Variants in SYNE1 observed in about 807,000 individuals in gnomAD.
SYNE1 encodes the protein nesprin-1.
In SYNE1, 616 loss-of-function variants were observed where a neutral mutation model predicts 1,111.0. That is an observed-to-expected ratio of 0.55 (90% CI 0.52 to 0.59). SYNE1 has a LOEUF of 0.59. SYNE1 is among the 20% of genes least tolerant of loss of function. The pLI is 0.00. For synonymous variants in SYNE1, 3,855 were observed against 3,825.8 expected (o/e 1.01, Z -0.28); for missense variants, 10,006 against 10,417.0 (o/e 0.96, Z 1.72).
At chr6:152,516,591 T>G (rs2099113042) in intron 6 of SYNE1, among the ~76,000 whole-genome samples, 2 of 152,114 alleles carry the variant, frequency 1.3e-5, no homozygotes, top group African/African-American at 4.8e-5. Context: ...ATTTTTTATT[T>G]TTATTTTTTT....
At chr6:152,153,397 C>G (rs1385197307) in intron 133 of SYNE1, among the ~76,000 whole-genome samples, 1 of 152,106 alleles carries the variant, frequency 6.6e-6, no homozygotes, top group Non-Finnish European at 1.5e-5. Flanking sequence ...TAAAGACTGC[C>G]CCCAAGCACA....
chr6:152,594,348 A>G (rs541079783), intron 3 of SYNE1, among the ~76,000 whole-genome samples: 70 of 152,186 alleles, frequency 4.6e-4, no homozygotes, highest in Non-Finnish European at 8.5e-4. Context: ...CTGAGGCCCA[A>G]TGGGATAAAA....
chr6:152,287,771 T>A (rs890296537), intron 95 of SYNE1, among the ~76,000 whole-genome samples: 2 of 152,172 alleles, frequency 1.3e-5, no homozygotes, highest in African/African-American at 4.8e-5. Context: ...GGTCTTGAAT[T>A]CCTAGGCTCA....
At chr6:152,428,471 C>T (rs2098394268) in intron 36 of SYNE1, 79 bp from the exon 37 acceptor site, 1 of 1,405,782 alleles carries the variant, frequency 7.1e-7, no homozygotes, top group African/African-American at 1.4e-5. Flanking sequence ...CCGATCATCG[C>T]AAAATATTTT....
chr6:152,560,331 A>C (rs967106680), intron 3 of SYNE1, among the ~76,000 whole-genome samples: 23 of 152,146 alleles, frequency 1.5e-4, no homozygotes, highest in Non-Finnish European at 3.1e-4. Flanking sequence ...GTGCCATTGC[A>C]CTCCCGCCTG....
intron 27 of SYNE1, among the ~76,000 whole-genome samples, chr6:152,450,134 C>T (rs2098635562): frequency 6.6e-6 from 1 of 152,212 alleles, no homozygotes; most frequent in African/African-American, 2.4e-5. Flanking sequence ...CTGCTGTTCT[C>T]ATGATAGTGA....
At position 152,330,728 on chromosome 6, in the gene SYNE1, T is replaced by G; in HGVS notation, c.13957A>C (p.Asn4653His). The G allele has an allele frequency of 6.2e-7, 1 of 1,614,022 alleles. No homozygotes were observed. The highest frequency in any genetic ancestry group is 1.1e-5 in the South Asian group (1 of 91,078). ...EKLNALPRQF[N>H]VIVALAKDKF... is the part of the protein sequence containing the mutation. ...TCTTTAGCCAAGGCAACAATTACAT[T>G]AAATTGTCGAGGCAAAGCATTTAGC... is the stretch of plus-strand genomic sequence containing the variant. Residue 4653 changes from asparagine to histidine, a missense_variant, in exon 78 of 146, where the codon AAT (asparagine) becomes CAT (histidine). Transcript: ENST00000367255.
At chr6:152,299,052 T>C (rs972828348) in intron 93 of SYNE1, among the ~76,000 whole-genome samples, 10 of 152,242 alleles carry the variant, frequency 6.6e-5, no homozygotes, top group African/African-American at 2.4e-4. Flanking sequence ...TGAAGCTTTG[T>C]GGTTAATGTC....
intron 87 of SYNE1, among the ~76,000 whole-genome samples, chr6:152,312,147 T>C (rs1179982919): frequency 1.3e-5 from 2 of 151,998 alleles, no homozygotes; most frequent in African/African-American, 4.8e-5. Flanking sequence ...AAATATATAT[T>C]TAACAGATAA....
At chr6:152,528,993 T>C (rs1375297229) in intron 4 of SYNE1, among the ~76,000 whole-genome samples, 1 of 152,230 alleles carries the variant, frequency 6.6e-6, no homozygotes, top group African/African-American at 2.4e-5. Context: ...ACTTAGTGTC[T>C]CTGAGATTCA....
intron 14 of SYNE1, among the ~76,000 whole-genome samples, chr6:152,482,558 T>C (rs2098912549): frequency 6.6e-6 from 1 of 152,126 alleles, no homozygotes; most frequent in African/African-American, 2.4e-5. Context: ...AAAGAGGAAA[T>C]ATATTGGAAA....
Position 152,225,761 on chromosome 6 carries a change from A to G in SYNE1, c.21311T>C (p.Leu7104Pro). The G allele has an allele frequency of 6.2e-7, 1 of 1,614,146 alleles. No individual in the cohort carries two copies. Among genetic ancestry groups the G allele is most frequent in the Non-Finnish European group, 8.5e-7 (1 of 1,180,016 alleles). ...TGCCCAGGTTTGGCCGAGCTCTCGC[A>G]GTGTGCTCATGACAATGCTAGAGAC... ...EDVSSIVMST[L>P]RELGQTWANL... is the part of the protein sequence containing the mutation. The change falls in exon 116 of 146, where the codon CTG becomes CCG. Residue 7104 changes from leucine to proline, a missense_variant. Transcript: ENST00000367255.
At chr6:152,563,970 A>G (rs1477744635) in intron 3 of SYNE1, among the ~76,000 whole-genome samples, 1 of 152,236 alleles carries the variant, frequency 6.6e-6, no homozygotes, top group Non-Finnish European at 1.5e-5. Context: ...ACAATATTGG[A>G]GAGGTTTGAC....
chr6:152,598,891 A>G (rs1008315888), intron 3 of SYNE1, among the ~76,000 whole-genome samples: 1 of 152,218 alleles, frequency 6.6e-6, no homozygotes, highest in African/African-American at 2.4e-5. Flanking sequence ...ATGTTAATCC[A>G]GATGTTTTGC....
At chr6:152,486,207 T>C (rs200410531) in intron 12 of SYNE1, among the ~76,000 whole-genome samples, 1 of 95,982 alleles carries the variant, frequency 1.0e-5, no homozygotes, top group African/African-American at 3.4e-5. Flanking sequence ...CTAAAAAAAA[T>C]ATTAAAAAAA....
At chr6:152,634,377 AT>A in intron 2 of SYNE1, among the ~76,000 whole-genome samples, 1 of 152,328 alleles carries the variant, frequency 6.6e-6, no homozygotes, top group East Asian at 1.9e-4. Context: ...ATTGAATAAA[AT>A]TTTTAGTCAT....
chr6:152,407,300 C>A (rs936386844), intron 44 of SYNE1, 104 bp from the exon 45 acceptor site: 6 of 1,138,506 alleles, frequency 5.3e-6, no homozygotes, highest in Admixed American at 2.0e-5. Context: ...TATATTCTGA[C>A]GGACAAACAG....
intron 21 of SYNE1, 96 bp downstream of exon 21, chr6:152,461,501 A>G (rs1462582727): frequency 4.7e-6 from 7 of 1,475,350 alleles, no homozygotes; most frequent in Non-Finnish European, 6.6e-6. Flanking sequence ...ATCGTTAACA[A>G]GTAAACACTT....
At chr6:152,239,886 C>A (rs1237733836) in intron 107 of SYNE1, among the ~76,000 whole-genome samples, 180 bp from the exon 108 acceptor site, 1 of 152,118 alleles carries the variant, frequency 6.6e-6, no homozygotes, top group Non-Finnish European at 1.5e-5. Flanking sequence ...TGGTGGAATC[C>A]GTTTCTACTA....
Sources: gnomAD v4.1 joint callset for allele counts (sites outside exome capture counted in the v4.1 genomes callset) on GRCh38, gnomAD v4.1.1 for gene constraint, MANE v1.5 for transcripts, NCBI Gene and HGNC (gene_info 2026-07-23, HGNC 2026-07-21) for gene names.